RMI1: variants seen among roughly 807,000 people sequenced by gnomAD.
RMI1 encodes recQ-mediated genome instability protein 1.
RMI1 carries 36 observed loss-of-function variants against 46.7 expected under a neutral mutation model. That is an observed-to-expected ratio of 0.77 (90% CI 0.59 to 1.02). The LOEUF is 1.02. Ranked by LOEUF, RMI1 falls within the 50% of genes least tolerant of loss-of-function variation. The pLI is 0.00. For missense variants in RMI1, 676 were observed against 713.7 expected (o/e 0.95, Z 0.60); for synonymous variants, 250 against 252.9 (o/e 0.99, Z 0.11).
At chr9:83,987,450 AGTT>A (rs1272258298) in intron 1 of RMI1, among the ~76,000 whole-genome samples, 3 of 152,174 alleles carry the variant, frequency 2.0e-5, no homozygotes, top group African/African-American at 7.2e-5. Flanking sequence ...TTTGAAAGTT[AGTT>A]GTTACATTTC....
chr9:83,998,957 A>G (rs1445587098), intron 1 of RMI1, among the ~76,000 whole-genome samples: 3 of 152,238 alleles, frequency 2.0e-5, no homozygotes, highest in African/African-American at 7.2e-5. Flanking sequence ...CCTGGCCAAC[A>G]TGGCGAAACC....
At chr9:83,994,845 C>T (rs1205783700) in intron 1 of RMI1, among the ~76,000 whole-genome samples, 1 of 152,092 alleles carries the variant, frequency 6.6e-6, no homozygotes, top group Non-Finnish European at 1.5e-5. Flanking sequence ...TTATATTTTA[C>T]ATCCAGCTTG....
rs1415750234 is a variant in RMI1, at chr9:84,003,608, G to A, written c.*744G>A. The A allele has an allele frequency of 6.0e-6, 1 of 166,186 alleles. No individual in the cohort carries two copies. Among genetic ancestry groups the A allele is most frequent in the Admixed American group, 6.5e-5 (1 of 15,274 alleles). 10.3% of individuals were successfully genotyped at this position (166,186 alleles called of 1,614,324 possible). ...CTTAGGGAAAAAAAATTAAAATCCA[G>A]TAGATCAGAACATCAGGCTTTCAGA... On this transcript the variant is annotated 3_prime_UTR_variant, in exon 3 of 3. Transcript: ENST00000445877.
chr9:83,982,396 G>A (rs751156820), intron 1 of RMI1, among the ~76,000 whole-genome samples: 7 of 152,112 alleles, frequency 4.6e-5, no homozygotes, highest in Non-Finnish European at 7.4e-5. Flanking sequence ...GGGCACGGTG[G>A]CTCACGCCTG....
Position 84,002,636 on chromosome 9 carries a change from T to A in RMI1, c.1650T>A (p.Leu550=). ...ATGTAGACTTTGTGGATGAAATACT[T>A]ACTAGCTTGATAGGGTTCTCAGTAC... The part of the protein sequence containing the change: ...YLDVDFVDEI[L]TSLIGFSVPE... Residue 550 remains leucine, a synonymous_variant, in exon 3 of 3, where the codon CTT becomes CTA. Transcript: ENST00000445877. 1 of 1,613,948 alleles carries A rather than the reference T, an allele frequency of 6.2e-7. No homozygotes were observed. The highest frequency in any genetic ancestry group is 8.5e-7 in the Non-Finnish European group (1 of 1,179,900).
chr9:83,986,791 G>A (rs1269439549), intron 1 of RMI1, among the ~76,000 whole-genome samples: 1 of 152,042 alleles, frequency 6.6e-6, no homozygotes, highest in African/African-American at 2.4e-5. Flanking sequence ...TTTATTTTCT[G>A]TCCAGCCTTG....
chr9:83,993,818 T>C (rs1407634853), intron 1 of RMI1, among the ~76,000 whole-genome samples: 1 of 152,106 alleles, frequency 6.6e-6, no homozygotes, highest in East Asian at 1.9e-4. Flanking sequence ...GATAGGGTCT[T>C]GCTTTGTCGC....
intron 1 of RMI1, among the ~76,000 whole-genome samples, chr9:83,987,083 C>T (rs1250236659): frequency 3.9e-5 from 6 of 152,024 alleles, no homozygotes; most frequent in Non-Finnish European, 8.8e-5. Flanking sequence ...CTTCGCTTTC[C>T]GATGGAGTCT....
At position 83,997,544 on chromosome 9, in the gene RMI1, C is replaced by T. The variant is rs147905526; in HGVS notation, c.-125-2165C>T. 2.4e-3 allele frequency among the ~76,000 whole-genome samples: 366 copies of T among 152,094 alleles called. 6 individuals are homozygous for T. The highest frequency in any genetic ancestry group is 0.018 in the Admixed American group (272 of 15,266). The stretch of plus-strand genomic sequence containing the variant: ...GGTCAGAGAGGAGTGAGGAGGGCTC[C>T]GCACCCACTGGGAGGAGGGTGTCAC... On this transcript the variant is annotated intron_variant, in intron 1 of 2. Coordinates refer to ENST00000445877, the MANE Select transcript of RMI1 (RefSeq NM_001358291.2).
chr9:83,993,695 A>C (rs1229048170), intron 1 of RMI1, among the ~76,000 whole-genome samples: 1 of 152,068 alleles, frequency 6.6e-6, no homozygotes, highest in African/African-American at 2.4e-5. Context: ...TGAGGATGAG[A>C]TCTCATTGTG....
chr9:83,990,280 G>A (rs974763394), intron 1 of RMI1, among the ~76,000 whole-genome samples: 3 of 152,220 alleles, frequency 2.0e-5, no homozygotes, highest in Non-Finnish European at 4.4e-5. Flanking sequence ...ATGGGAGGCT[G>A]AGGTGGGCGG....
In RMI1 at chr9:84,003,848, C is replaced by T. The variant is rs1015041729; in HGVS notation, c.*984C>T. On this transcript the variant is annotated 3_prime_UTR_variant, in exon 3 of 3. Coordinates refer to ENST00000445877, the MANE Select transcript of RMI1 (RefSeq NM_001358291.2). ...ATTAAAATGAAGCATTTATCTATGT[C>T]TTTAGGTGTCATTGTTCCCTTTCTG... The T allele has an allele frequency of 6.0e-6, 1 of 166,830 alleles. No individual in the cohort carries two copies. The highest frequency in any genetic ancestry group is 1.5e-5 in the Non-Finnish European group (1 of 68,064). The allele number at this position is 166,830 out of a possible 1,614,324, so 10.3% of individuals were successfully genotyped here.
At position 84,002,491 on chromosome 9, in the gene RMI1, C is replaced by T; in HGVS notation, c.1505C>T (p.Pro502Leu). 6.2e-7 allele frequency: 1 copy of T among 1,613,940 alleles called. No individual in the cohort carries two copies. Among genetic ancestry groups the T allele is most frequent in the Non-Finnish European group, 8.5e-7 (1 of 1,179,944 alleles). Residue 502 changes from proline to leucine, a missense_variant, in exon 3 of 3, where the codon CCA (proline) becomes CTA (leucine). Transcript: ENST00000445877. ...VYLSVLMASK[P>L]KEVTTVKVKA... Reference sequence around the variant, plus strand: ...TTGTCTGTTCTAATGGCCAGCAAACCAAAGGAAGTTACAACAGTGAAAGTG... The same window carrying T: ...TTGTCTGTTCTAATGGCCAGCAAACTAAAGGAAGTTACAACAGTGAAAGTG...
intron 1 of RMI1, among the ~76,000 whole-genome samples, chr9:83,988,258 G>A (rs746805819): frequency 2.6e-5 from 4 of 152,174 alleles, no homozygotes; most frequent in African/African-American, 7.2e-5. Flanking sequence ...TTGCTGGGTT[G>A]TATGGTAAGT....
chr9:83,985,817 G>A (rs1293919039), intron 1 of RMI1, among the ~76,000 whole-genome samples: 3 of 152,132 alleles, frequency 2.0e-5, no homozygotes, highest in Non-Finnish European at 4.4e-5. Context: ...GACCATCCTG[G>A]CTAACACGGG....
At chr9:83,998,289 A>G (rs984194703) in intron 1 of RMI1, among the ~76,000 whole-genome samples, 29 of 152,152 alleles carry the variant, frequency 1.9e-4, no homozygotes, top group Admixed American at 3.9e-4. Flanking sequence ...ATTTTCTTTA[A>G]TATAAAGATT....
At position 84,003,021 on chromosome 9, in the gene RMI1, G is replaced by T. The variant is rs1957762912; in HGVS notation, c.*157G>T. 4 of 488,752 alleles carry T rather than the reference G, an allele frequency of 8.2e-6. No homozygotes were observed. The highest frequency in any genetic ancestry group is 9.0e-5 in the South Asian group (2 of 22,216). The allele number at this position is 488,752 out of a possible 1,614,324, so 30.3% of individuals were successfully genotyped here. On this transcript the variant is annotated 3_prime_UTR_variant, in exon 3 of 3. Coordinates refer to ENST00000445877, the MANE Select transcript of RMI1 (RefSeq NM_001358291.2). ...AAGTGTTTAATCATGTTTGTTATAT[G>T]TGGAGCTTTTGAAAATAAGTTAATC...
chr9:83,999,090 G>A (rs906722797), intron 1 of RMI1, among the ~76,000 whole-genome samples: 6 of 152,116 alleles, frequency 3.9e-5, no homozygotes, highest in Non-Finnish European at 7.4e-5. Context: ...GCAGTGAGCC[G>A]AGATTGCGCC....
chr9:83,981,929 G>T (rs913885329), intron 1 of RMI1, among the ~76,000 whole-genome samples: 1 of 152,166 alleles, frequency 6.6e-6, no homozygotes, highest in African/African-American at 2.4e-5. Context: ...TTTACATTCT[G>T]GGAGGATACG....
Sources: allele counts gnomAD v4.1 joint callset (sites outside exome capture counted in the v4.1 genomes callset), GRCh38; gene constraint gnomAD v4.1.1; transcripts MANE v1.5; gene names NCBI Gene and HGNC (gene_info 2026-07-23, HGNC 2026-07-21).